CNTLN: variants seen among roughly 807,000 people sequenced by gnomAD.
CNTLN encodes the protein centlein, also known as centlein, centrosomal protein.
A neutral mutation model predicts 180.0 loss-of-function variants in CNTLN; 212 were observed. The observed-to-expected ratio is 1.18, with a 90% CI of 1.05 to 1.32. The LOEUF (loss-of-function observed/expected upper bound fraction) is 1.32. Among genes scored for constraint, CNTLN ranks in the 40% most tolerant of loss-of-function variants. The pLI is 0.00. For synonymous variants in CNTLN, 722 were observed against 563.1 expected (o/e 1.28, Z -3.99); for missense variants, 2,095 against 1,610.9 (o/e 1.30, Z -5.14).
chr9:17,502,734 G>A lies in CNTLN; in HGVS notation c.*82G>A, dbSNP rs570010002. The A allele has an allele frequency of 8.0e-6, 4 of 497,288 alleles. No individual in the cohort carries two copies. The highest frequency in any genetic ancestry group is 4.5e-5 in the Admixed American group (1 of 22,390). The allele number at this position is 497,288 out of a possible 1,614,324, so 30.8% of individuals were successfully genotyped here. ...AATACATGCATTGCAATCCTGACACGGTATCTGCTCCAACTATCAATAGTC... is the reference window on the plus strand; with the variant it reads ...AATACATGCATTGCAATCCTGACACAGTATCTGCTCCAACTATCAATAGTC... On this transcript the variant is annotated 3_prime_UTR_variant, in exon 26 of 26. Coordinates refer to ENST00000380647, the MANE Select transcript of CNTLN (RefSeq NM_017738.4).
chr9:17,270,038 C>T (rs1488499855), intron 5 of CNTLN, among the ~76,000 whole-genome samples: 3 of 152,012 alleles, frequency 2.0e-5, no homozygotes, highest in Non-Finnish European at 4.4e-5. Context: ...TAAGTGCTTA[C>T]ACTTTGTTTT....
the CNTLN span, among the ~76,000 whole-genome samples, chr9:17,519,079 G>A: frequency 7.5e-6 from 1 of 133,152 alleles, no homozygotes; most frequent in Non-Finnish European, 1.5e-5. Flanking sequence ...TGTGCTACCA[G>A]GCCTAGTTAT....
Position 17,309,237 on chromosome 9 carries a change from A to G in CNTLN, c.1326A>G (p.Pro442=). The part of the protein sequence containing the change: ...APLPLPQESD[P]DYSAQVPHRP... The stretch of plus-strand genomic sequence containing the variant: ...TTCCTTTACCTCAAGAAAGTGATCC[A>G]GACTACTCAGCACAGGTGAGAGACA... Residue 442 remains proline, a synonymous_variant, in exon 8 of 26, where the codon CCA becomes CCG. Coordinates refer to ENST00000380647, the MANE Select transcript of CNTLN (RefSeq NM_017738.4). 6.3e-7 allele frequency: 1 copy of G among 1,595,122 alleles called. No individual in the cohort carries two copies. The highest frequency in any genetic ancestry group is 8.5e-7 in the Non-Finnish European group (1 of 1,171,560).
Position 17,489,190 on chromosome 9 carries a change from T to C in CNTLN, c.4119+2124T>C, listed in dbSNP as rs540865934. On this transcript the variant is annotated intron_variant, in intron 25 of 25. Coordinates refer to ENST00000380647, the MANE Select transcript of CNTLN (RefSeq NM_017738.4). ...TCAATCCAAGCAATTATATTTGTCC[T>C]GAATTTTAGAAAAGGTTTTCTTTGC... 2.6e-5 allele frequency among the ~76,000 whole-genome samples: 4 copies of C among 152,176 alleles called. No homozygotes were observed. The East Asian group carries it at 7.7e-4, about 29-fold the overall frequency.
intron 13 of CNTLN, among the ~76,000 whole-genome samples, chr9:17,367,592 T>G (rs1823936753): frequency 6.6e-6 from 1 of 152,062 alleles, no homozygotes; most frequent in South Asian, 2.1e-4. Context: ...ACCCCTTCCA[T>G]CTGCTTGAGG....
rs575955776 is a variant in CNTLN, at chr9:17,258,408, T to G, written c.850-15325T>G. On this transcript the variant is annotated intron_variant, in intron 5 of 25. Transcript: ENST00000380647. ...TTGTAGTATAGTTTGAAGTCAGGTATCATGATGCCTTCAGCTTTGTTCTTT... is the reference window on the plus strand; with the variant it reads ...TTGTAGTATAGTTTGAAGTCAGGTAGCATGATGCCTTCAGCTTTGTTCTTT... 2.8e-3 allele frequency among the ~76,000 whole-genome samples: 418 copies of G among 147,298 alleles called. 9 individuals carry two copies. Among genetic ancestry groups the G allele is most frequent in the African/African-American group, 8.5e-3 (343 of 40,170 alleles).
At chr9:17,473,718 A>T (rs1315947174) in intron 23 of CNTLN, among the ~76,000 whole-genome samples, 1 of 151,734 alleles carries the variant, frequency 6.6e-6, no homozygotes, top group Non-Finnish European at 1.5e-5. Flanking sequence ...TTCTCTACCC[A>T]CTTTCTTATC....
At chr9:17,380,782 C>A (rs1293031704) in intron 13 of CNTLN, among the ~76,000 whole-genome samples, 4 of 152,166 alleles carry the variant, frequency 2.6e-5, no homozygotes, top group Non-Finnish European at 5.9e-5. Flanking sequence ...GAAACTCATT[C>A]ATAAACAATA....
At chr9:17,195,390 TTG>T (rs1201308207) in intron 2 of CNTLN, among the ~76,000 whole-genome samples, 5 of 152,194 alleles carry the variant, frequency 3.3e-5, no homozygotes, top group Non-Finnish European at 7.3e-5. Context: ...GATCTTTTCC[TTG>T]TATCCTTTGC....
At chr9:17,261,666 C>G (rs1219227694) in intron 5 of CNTLN, among the ~76,000 whole-genome samples, 11 of 151,320 alleles carry the variant, frequency 7.3e-5, no homozygotes, top group Admixed American at 2.0e-4. Flanking sequence ...TTATTTTTTT[C>G]TCTTGACTGA....
chr9:17,420,184 C>G (rs1003224401), intron 18 of CNTLN, among the ~76,000 whole-genome samples: 2 of 152,086 alleles, frequency 1.3e-5, no homozygotes, highest in Non-Finnish European at 2.9e-5. Context: ...CAAAGTGTAG[C>G]CATTGGGTCC....
At chr9:17,351,580 C>T (rs1368639877) in intron 12 of CNTLN, among the ~76,000 whole-genome samples, 1 of 152,128 alleles carries the variant, frequency 6.6e-6, no homozygotes, top group Non-Finnish European at 1.5e-5. Context: ...GACCTCCCCT[C>T]ATTGAAGTCC....
At chr9:17,412,415 C>G (rs1052637113) in intron 16 of CNTLN, among the ~76,000 whole-genome samples, 27 of 152,140 alleles carry the variant, frequency 1.8e-4, no homozygotes, top group African/African-American at 5.8e-4. Context: ...AGCAAGATGA[C>G]AGATGTTGGA....
chr9:17,367,741 T>C (rs1487614279), intron 13 of CNTLN, among the ~76,000 whole-genome samples: 1 of 152,150 alleles, frequency 6.6e-6, no homozygotes, highest in African/African-American at 2.4e-5. Flanking sequence ...AGACACATCC[T>C]GGGCTAGAAG....
rs371850912 is a variant in CNTLN, at chr9:17,298,966, G to T, written c.1146+614G>T. On this transcript the variant is annotated intron_variant, in intron 7 of 25. Coordinates refer to ENST00000380647, the MANE Select transcript of CNTLN (RefSeq NM_017738.4). ...ATTAAAAAAAATACCTTTATTGGCC[G>T]GGCATGGTGGCTCATGCCTGTAATC... is the stretch of plus-strand genomic sequence containing the variant. 22 of 982,678 alleles carry T rather than the reference G, an allele frequency of 2.2e-5. No homozygotes were observed. The East Asian group carries it at 3.4e-4, about 15-fold the overall frequency. 60.9% of individuals were successfully genotyped at this position (982,678 alleles called of 1,614,324 possible). A position where few individuals can be genotyped will look rare whatever the true frequency, so the allele number is the denominator to read the frequency against.
At chr9:17,149,033 G>T (rs1182383191) in intron 2 of CNTLN, among the ~76,000 whole-genome samples, 1 of 152,058 alleles carries the variant, frequency 6.6e-6, no homozygotes, top group Non-Finnish European at 1.5e-5. Context: ...TGTTCTCATT[G>T]TTCAACTCCC....
intron 1 of CNTLN, among the ~76,000 whole-genome samples, chr9:17,142,185 A>T (rs1586895517): frequency 6.6e-6 from 1 of 152,160 alleles, no homozygotes; most frequent in South Asian, 2.1e-4. Context: ...CATGCAGCCC[A>T]GGATGGCTTT....
At chr9:17,448,156 A>C in intron 18 of CNTLN, 1 of 208,802 alleles carries the variant, frequency 4.8e-6, no homozygotes, top group Middle Eastern at 1.3e-3. Flanking sequence ...ACTGCCCATT[A>C]ATTTCCTTAA....
chr9:17,453,302 G>C (rs1462585603), intron 18 of CNTLN, among the ~76,000 whole-genome samples: 1 of 152,066 alleles, frequency 6.6e-6, no homozygotes, highest in African/African-American at 2.4e-5. Context: ...AATAGAGCAA[G>C]ACCTCATCTG....
Sources: gnomAD v4.1 joint callset for allele counts (sites outside exome capture counted in the v4.1 genomes callset) on GRCh38, gnomAD v4.1.1 for gene constraint, MANE v1.5 for transcripts, NCBI Gene and HGNC (gene_info 2026-07-23, HGNC 2026-07-21) for gene names.